Variants in TFEB observed in about 807,000 individuals in gnomAD.
TFEB encodes the protein transcription factor EB.
TFEB carries 12 observed loss-of-function variants against 48.0 expected under a neutral mutation model. The observed-to-expected ratio is 0.25, with a 90% confidence interval of 0.16 to 0.40. The LOEUF (loss-of-function observed/expected upper bound fraction) is 0.40, where lower values mean the gene tolerates loss of function less well. Among genes scored for constraint, TFEB ranks in the 10% least tolerant of loss-of-function variants. The probability of loss-of-function intolerance (pLI) is 1.00; values close to 1 mark genes in which losing one functional copy is unlikely to be tolerated. For missense variants in TFEB, 509 were observed against 640.3 expected (o/e 0.79, Z 2.21); for synonymous variants, 244 against 261.4 (o/e 0.93, Z 0.64).
intron 1 of TFEB, among the ~76,000 whole-genome samples, chr6:41,697,469 G>A (rs1034565998): frequency 7.1e-6 from 1 of 141,556 alleles, no homozygotes; most frequent in Non-Finnish European, 1.5e-5. Flanking sequence ...AAGAGTTAGG[G>A]AAACTACCTT....
At chr6:41,685,195 A>G (rs1328096184) in intron 8 of TFEB, 117 bp from the exon 9 acceptor site, 5 of 1,267,544 alleles carry the variant, frequency 3.9e-6, no homozygotes, top group South Asian at 2.5e-5. Context: ...CAAGACCCAA[A>G]GTGTTTCCGC....
upstream of TFEB, chr6:41,736,152 G>C (rs1183091576): frequency 1.2e-6 from 2 of 1,612,906 alleles, no homozygotes; most frequent in African/African-American, 1.3e-5. Context: ...TCACCAGCCT[G>C]AGCTTGCTGT....
chr6:41,703,418 C>T (rs1242674947), intron 1 of TFEB, among the ~76,000 whole-genome samples: 2 of 152,214 alleles, frequency 1.3e-5, no homozygotes, highest in African/African-American at 4.8e-5. Flanking sequence ...GCACTCCAAC[C>T]CCGCCAGTGC....
intron 1 of TFEB, among the ~76,000 whole-genome samples, chr6:41,731,326 C>A (rs920142899): frequency 6.6e-6 from 1 of 152,102 alleles, no homozygotes; most frequent in Non-Finnish European, 1.5e-5. Flanking sequence ...TCAACAACCC[C>A]CTGACCAGGT....
rs1298726957 is a variant in TFEB at position 41,684,056 on chromosome 6, T to C, written c.*543A>G. 4.4e-6 allele frequency: 1 copy of C among 229,804 alleles called. No individual in the cohort carries two copies. The allele number at this position is 229,804 out of a possible 1,614,324, so 14.2% of individuals were successfully genotyped here. On this transcript the variant is annotated 3_prime_UTR_variant, in exon 9 of 9. Coordinates refer to ENST00000373033, the MANE Select transcript of TFEB (RefSeq NM_001271944.2). Reference sequence around the variant, plus strand: ...CTCTTCCGGCAGTGACCCCTCCCGCTTCTGGCAGCCCCCGCGCTCACACCA... The same window carrying C: ...CTCTTCCGGCAGTGACCCCTCCCGCCTCTGGCAGCCCCCGCGCTCACACCA...
Position 41,734,974 on chromosome 6 carries a change from C to T in TFEB, c.-23+376G>A. 1.0e-6 allele frequency: 1 copy of T among 985,486 alleles called. No homozygotes were observed. 61.0% of individuals were successfully genotyped at this position (985,486 alleles called of 1,614,324 possible). ...GGGAGTGGGCGCGGGGCCCGCGCGT[C>T]CCTCAAACTTCTTGCGAGTTCACCA... On this transcript the variant is annotated intron_variant, in intron 1 of 8. Transcript: ENST00000373033. This position sits in a 1 kb window ranked among gnomAD's most constrained non-coding sequence, Gnocchi z 4.0.
intron 1 of TFEB, among the ~76,000 whole-genome samples, chr6:41,718,067 C>A (rs1344523517): frequency 6.6e-6 from 1 of 152,120 alleles, no homozygotes; most frequent in Admixed American, 6.5e-5. Flanking sequence ...TTATGGAGTA[C>A]AAGGTGATGC....
Position 41,691,763 on chromosome 6 carries a change from G to A in TFEB, c.-22-528C>T, listed in dbSNP as rs1769329700. On this transcript the variant is annotated intron_variant, in intron 1 of 8. Coordinates refer to ENST00000373033, the MANE Select transcript of TFEB (RefSeq NM_001271944.2). The surrounding 1 kb of genome is among the most constrained non-coding windows in gnomAD (Gnocchi z 5.2). ...TCCCCTCTGCTCACAACTCCCCATG[G>A]TTCCCACCTTCCTCAGGGGAAAAGC... Among the ~76,000 whole-genome samples the A allele has an allele frequency of 6.6e-6, 1 of 152,042 alleles. No homozygotes were observed. The highest frequency in any genetic ancestry group is 2.4e-5 in the African/African-American group (1 of 41,382).
chr6:41,697,756 T>C (rs995719571), intron 1 of TFEB, among the ~76,000 whole-genome samples: 1 of 152,210 alleles, frequency 6.6e-6, no homozygotes, highest in African/African-American at 2.4e-5. Flanking sequence ...AGTTATAGGA[T>C]AGTTAAATAA....
intron 1 of TFEB, among the ~76,000 whole-genome samples, chr6:41,699,511 C>T (rs1233691154): frequency 6.6e-6 from 1 of 152,184 alleles, no homozygotes; most frequent in Admixed American, 6.5e-5. Context: ...TGTTTCCTCT[C>T]CAAAAGCCTT....
chr6:41,735,722 G>A (rs1383926777), upstream of TFEB: 2 of 282,746 alleles, frequency 7.1e-6, no homozygotes, highest in African/African-American at 2.3e-5. Flanking sequence ...AGGCACGCCG[G>A]GATTTGTAGT....
At chr6:41,715,551 T>A (rs1009830302) in intron 1 of TFEB, among the ~76,000 whole-genome samples, 4 of 151,900 alleles carry the variant, frequency 2.6e-5, no homozygotes, top group African/African-American at 9.7e-5. Flanking sequence ...ATGCCTGTAA[T>A]CCCAGCTACT....
chr6:41,730,760 G>A lies in TFEB; in HGVS notation c.-23+4590C>T, dbSNP rs1771416351. Among the ~76,000 whole-genome samples the A allele has an allele frequency of 6.6e-6, 1 of 152,234 alleles. No individual in the cohort carries two copies. Among genetic ancestry groups the A allele is most frequent in the African/African-American group, 2.4e-5 (1 of 41,456 alleles). ...ATCTGTATCTCTGGTGCAGTGTGGAGGAGGGACAGATGATAGGAGAGCAGG... is the reference window on the plus strand; with the variant it reads ...ATCTGTATCTCTGGTGCAGTGTGGAAGAGGGACAGATGATAGGAGAGCAGG... On this transcript the variant is annotated intron_variant, in intron 1 of 8. Coordinates refer to ENST00000373033, the MANE Select transcript of TFEB (RefSeq NM_001271944.2). This position sits in a 1 kb window ranked among gnomAD's most constrained non-coding sequence, Gnocchi z 4.1.
chr6:41,691,062 G>T lies in TFEB; in HGVS notation c.152C>A (p.Pro51Gln). The change falls in exon 2 of 9, where the codon CCG becomes CAG. Residue 51 changes from proline (P) to glutamine (Q), a missense_variant. Physicochemically the swap from Pro to Gln is moderately conservative, Grantham distance 76 (BLOSUM62 -1). Around this residue, in one of 4 missense-constraint regions of TFEB, gnomAD observed 251 missense variants for 317.2 expected, o/e 0.79. Coordinates refer to ENST00000373033, the MANE Select transcript of TFEB (RefSeq NM_001271944.2). This position sits in a 1 kb window ranked among gnomAD's most constrained non-coding sequence, Gnocchi z 5.2. ...QQQQLGGPPT[P>Q]AINTPVHFQS... Reference sequence around the variant, plus strand: ...GAAGTGGACGGGGGTATTGATGGCCGGGGTGGGCGGCCCTCCGAGCTGCTG... The same window carrying T: ...GAAGTGGACGGGGGTATTGATGGCCTGGGTGGGCGGCCCTCCGAGCTGCTG... The T allele has an allele frequency of 6.4e-7, 1 of 1,571,614 alleles. No homozygotes were observed. The highest frequency in any genetic ancestry group is 2.4e-5 in the East Asian group (1 of 42,526).
chr6:41,707,339 A>T (rs1312019970), intron 1 of TFEB, among the ~76,000 whole-genome samples: 1 of 152,176 alleles, frequency 6.6e-6, no homozygotes, highest in Non-Finnish European at 1.5e-5. Context: ...ACAGGCAGAC[A>T]CACTCCTACC....
intron 1 of TFEB, among the ~76,000 whole-genome samples, chr6:41,719,284 T>C (rs145701092): frequency 1.6e-3 from 241 of 152,292 alleles, no homozygotes; most frequent in African/African-American, 5.6e-3. Context: ...TGGTGAGTTG[T>C]ATAATTATTT....
At chr6:41,700,183 G>T (rs923118158) in intron 1 of TFEB, among the ~76,000 whole-genome samples, 5 of 152,036 alleles carry the variant, frequency 3.3e-5, no homozygotes, top group African/African-American at 1.2e-4. Flanking sequence ...AGAAACAAAA[G>T]AGGCTGGGCG....
At chr6:41,709,276 T>G (rs1385057965) in intron 1 of TFEB, among the ~76,000 whole-genome samples, 1 of 151,196 alleles carries the variant, frequency 6.6e-6, no homozygotes, top group Non-Finnish European at 1.5e-5. Flanking sequence ...GATCTGTCAC[T>G]TTCTAGCTGT....
intron 1 of TFEB, among the ~76,000 whole-genome samples, chr6:41,728,658 C>T (rs1378825158): frequency 3.3e-5 from 5 of 152,014 alleles, no homozygotes; most frequent in Non-Finnish European, 7.4e-5. Flanking sequence ...CCCCACCCCA[C>T]AGACCCACTG....
Sources: allele counts gnomAD v4.1 joint callset (sites outside exome capture counted in the v4.1 genomes callset), GRCh38; gene constraint gnomAD v4.1.1; regional missense constraint gnomAD v4.1.1; non-coding constraint Gnocchi (gnomAD v3.1); transcripts MANE v1.5; gene names NCBI Gene and HGNC (gene_info 2026-07-23, HGNC 2026-07-21).